PCDHGA2: variants seen among roughly 807,000 people sequenced by gnomAD.
PCDHGA2 encodes the protein protocadherin gamma subfamily A, 2, also known as protocadherin gamma-A2.
Under a neutral mutation model 59.2 loss-of-function variants are expected in PCDHGA2, and 40 were observed. The ratio of observed to expected loss-of-function variants is 0.68; its 90% confidence interval spans 0.52 to 0.88. The LOEUF is 0.88. PCDHGA2 is among the 40% of genes least tolerant of loss of function. The probability of loss-of-function intolerance (pLI) is 0.00; values close to 1 mark genes in which losing one functional copy is unlikely to be tolerated. For missense variants in PCDHGA2, 1,226 were observed against 1,204.0 expected (o/e 1.02, Z -0.27); for synonymous variants, 560 against 526.0 (o/e 1.06, Z -0.89).
intron 1 of PCDHGA2, among the ~76,000 whole-genome samples, chr5:141,455,489 A>T (rs925133619): frequency 3.9e-5 from 6 of 152,152 alleles, no homozygotes; most frequent in African/African-American, 4.8e-5. Context: ...GGTGGAGGTG[A>T]TGTCTGATTT....
chr5:141,501,852 A>G (rs922276780), intron 2 of PCDHGA2, among the ~76,000 whole-genome samples: 2 of 151,924 alleles, frequency 1.3e-5, no homozygotes, highest in African/African-American at 4.8e-5. Context: ...TCAACCTTCA[A>G]CCATTTCCCA....
At chr5:141,384,649 C>A (rs778822731) in intron 1 of PCDHGA2, 2 of 1,614,232 alleles carry the variant, frequency 1.2e-6, no homozygotes, top group South Asian at 1.1e-5. Flanking sequence ...CTCCGCAGAG[C>A]CCGGCTACCT....
intron 1 of PCDHGA2, chr5:141,362,695 T>A: frequency 1.8e-6 from 2 of 1,090,718 alleles, no homozygotes; most frequent in Non-Finnish European, 2.6e-6. Flanking sequence ...CTTATCTAAC[T>A]GAATTTTAAG....
intron 1 of PCDHGA2, among the ~76,000 whole-genome samples, chr5:141,482,447 T>C (rs2099560010): frequency 6.7e-6 from 1 of 149,882 alleles, no homozygotes; most frequent in East Asian, 1.9e-4. Flanking sequence ...ATTCACCATT[T>C]ATTAGCATCC....
In PCDHGA2 at chr5:141,431,814, T is replaced by C. The variant is rs1300319049; in HGVS notation, c.2425-62993T>C. 1 of 1,614,246 alleles carries C rather than the reference T, an allele frequency of 6.2e-7. No homozygotes were observed. Among genetic ancestry groups the C allele is most frequent in the Non-Finnish European group, 8.5e-7 (1 of 1,180,044 alleles). ...GCCCCAGAAGTGGTCCTCACCTCTC[T>C]CGCCAGCTCGGTTCCCGAAAACTCT... On this transcript the variant is annotated intron_variant, in intron 1 of 3. Coordinates refer to ENST00000394576, the MANE Select transcript of PCDHGA2 (RefSeq NM_018915.4). The surrounding 1 kb of genome is among the most constrained non-coding windows in gnomAD (Gnocchi z 4.8).
chr5:141,348,924 C>A (rs1449370002), intron 1 of PCDHGA2, among the ~76,000 whole-genome samples: 1 of 152,076 alleles, frequency 6.6e-6, no homozygotes, highest in African/African-American at 2.4e-5. Context: ...TGCTTTGAAC[C>A]AAGACTGGTT....
chr5:141,486,263 G>GAACCTGGC lies in PCDHGA2; in HGVS notation c.2425-8542_2425-8535dup. 6.2e-7 allele frequency: 1 copy of GAACCTGGC among 1,614,090 alleles called. No homozygotes were observed. Among genetic ancestry groups the GAACCTGGC allele is most frequent in the South Asian group, 1.1e-5 (1 of 91,064 alleles). On this transcript the variant is annotated intron_variant, in intron 1 of 3. Coordinates refer to ENST00000394576, the MANE Select transcript of PCDHGA2 (RefSeq NM_018915.4). This position sits in a 1 kb window ranked among gnomAD's most constrained non-coding sequence, Gnocchi z 5.0. ...GCTTGGAACCCTCCCCGAGAGTGCAGAACCTGGCACTGTGGTGGCACTTAT... is the reference window on the plus strand; with the variant it reads ...GCTTGGAACCCTCCCCGAGAGTGCAGAACCTGGCAACCTGGCACTGTGGTGGCACTTAT...
Position 141,511,381 on chromosome 5 carries a change from G to C in PCDHGA2, c.*208G>C. 8.5e-7 allele frequency: 1 copy of C among 1,170,380 alleles called. No individual in the cohort carries two copies. Among genetic ancestry groups the C allele is most frequent in the Non-Finnish European group, 1.2e-6 (1 of 854,768 alleles). 72.5% of individuals were successfully genotyped at this position (1,170,380 alleles called of 1,614,324 possible). On this transcript the variant is annotated 3_prime_UTR_variant, in exon 4 of 4. Coordinates refer to ENST00000394576, the MANE Select transcript of PCDHGA2 (RefSeq NM_018915.4). The stretch of plus-strand genomic sequence containing the variant: ...GGGTTGAATATGCAAAAGCAGTTCC[G>C]CTGGGAACCCCCATCCAATCAACTG...
chr5:141,381,518 A>AT (rs1173205402), intron 1 of PCDHGA2, among the ~76,000 whole-genome samples: 1 of 152,222 alleles, frequency 6.6e-6, no homozygotes, highest in Non-Finnish European at 1.5e-5. Context: ...TAGGATGAAG[A>AT]TTTGAATTGC....
intron 1 of PCDHGA2, chr5:141,419,373 TGTCC>T (rs761256298): frequency 6.2e-7 from 1 of 1,613,754 alleles, no homozygotes; most frequent in South Asian, 1.1e-5. Context: ...TCGTCCTACG[TGTCC>T]GTGAGCGCGC....
intron 1 of PCDHGA2, among the ~76,000 whole-genome samples, chr5:141,494,113 C>G (rs2099751999): frequency 6.6e-6 from 1 of 152,214 alleles, no homozygotes; most frequent in Non-Finnish European, 1.5e-5. Flanking sequence ...TCAGACAGAG[C>G]AGCCTTGTTC....
Position 141,350,577 on chromosome 5 carries a change from T to C in PCDHGA2, c.2424+9182T>C, listed in dbSNP as rs748844855. The C allele has an allele frequency of 3.8e-5, 62 of 1,613,926 alleles. No homozygotes were observed. The Admixed American group carries it at 1.0e-3, about 27-fold the overall frequency. ...GAGTGTGCACTAGAATTCGAAACGGTCGCTGAAAACCCAATGAATGTTTTC... is the reference window on the plus strand; with the variant it reads ...GAGTGTGCACTAGAATTCGAAACGGCCGCTGAAAACCCAATGAATGTTTTC... On this transcript the variant is annotated intron_variant, in intron 1 of 3. Transcript: ENST00000394576.
chr5:141,355,779 G>A (rs762969886), intron 1 of PCDHGA2: 7 of 1,613,834 alleles, frequency 4.3e-6, no homozygotes, highest in East Asian at 2.2e-5. Flanking sequence ...AGTACCCAGA[G>A]CTGGTGCTGG....
Position 141,475,863 on chromosome 5 carries a change from C to G in PCDHGA2, c.2425-18944C>G, listed in dbSNP as rs1037784260. On this transcript the variant is annotated intron_variant, in intron 1 of 3. Transcript: ENST00000394576. ...TCAGAGAGCCCGGCGCTAGCTCATT[C>G]TTCGTGCAGTTATTGGCTGGGACTC... is the stretch of plus-strand genomic sequence containing the variant. 1.4e-5 allele frequency: 7 copies of G among 499,790 alleles called. 1 individual carries two copies. The highest frequency in any genetic ancestry group is 1.4e-4 in the African/African-American group (7 of 51,600). The allele number at this position is 499,790 out of a possible 1,614,324, so 31.0% of individuals were successfully genotyped here. A position where few individuals can be genotyped will look rare whatever the true frequency, so the allele number is the denominator to read the frequency against.
rs532318617 is a variant in PCDHGA2, at chr5:141,384,539, C to T, written c.2424+43144C>T. On this transcript the variant is annotated intron_variant, in intron 1 of 3. Coordinates refer to ENST00000394576, the MANE Select transcript of PCDHGA2 (RefSeq NM_018915.4). ...GACCCGCCTCTCAGCAGCAACATGT[C>T]ACTGAGCCTGTTCGTGCTGGACCAG... 44 of 1,614,240 alleles carry T rather than the reference C, an allele frequency of 2.7e-5. No homozygotes were observed. The South Asian group carries it at 4.1e-4, about 15-fold the overall frequency.
chr5:141,475,852 G>A, intron 1 of PCDHGA2: 1 of 467,402 alleles, frequency 2.1e-6, no homozygotes, highest in East Asian at 3.7e-5. Context: ...AGAGCCCGGC[G>A]CTAGCTCATT....
At chr5:141,397,904 G>A in intron 1 of PCDHGA2, 1 of 657,312 alleles carries the variant, frequency 1.5e-6, no homozygotes, top group Non-Finnish European at 2.5e-6. Flanking sequence ...TGCAGAGCTT[G>A]GCGCTCCAGA....
intron 1 of PCDHGA2, chr5:141,433,359 CT>C: frequency 8.7e-6 from 2 of 228,708 alleles, no homozygotes; most frequent in Non-Finnish European, 1.6e-5. Context: ...TACTGTCTGC[CT>C]ATCTATCTAT....
intron 1 of PCDHGA2, chr5:141,410,353 C>T: frequency 1.9e-6 from 3 of 1,614,078 alleles, no homozygotes; most frequent in Non-Finnish European, 2.5e-6. Flanking sequence ...GCCTGCGACG[C>T]TCTCTCAGCC....
Sources: allele counts gnomAD v4.1 joint callset (sites outside exome capture counted in the v4.1 genomes callset), GRCh38; gene constraint gnomAD v4.1.1; non-coding constraint Gnocchi (gnomAD v3.1); transcripts MANE v1.5; gene names NCBI Gene and HGNC (gene_info 2026-07-23, HGNC 2026-07-21).